PACRG: variants seen among roughly 807,000 people sequenced by gnomAD.
The protein encoded by PACRG is parkin coregulated, also known as parkin coregulated gene protein.
A neutral mutation model predicts 29.7 loss-of-function variants in PACRG; 29 were observed. That is an observed-to-expected ratio of 0.98 (90% confidence interval 0.73 to 1.33). The LOEUF (loss-of-function observed/expected upper bound fraction) is 1.33, where lower values mean the gene tolerates loss of function less well. Among genes scored for constraint, PACRG ranks in the 40% most tolerant of loss-of-function variants. PACRG has a pLI of 0.00. For synonymous variants in PACRG, 116 were observed against 118.7 expected, an observed-to-expected ratio of 0.98 and a Z score of 0.15; for missense variants, 279 against 316.2, an observed-to-expected ratio of 0.88 and a Z score of 0.89.
At chr6:163,033,412 TA>T (rs1807851306) in intron 2 of PACRG, among the ~76,000 whole-genome samples, 1 of 152,238 alleles carries the variant, frequency 6.6e-6, no homozygotes, top group African/African-American at 2.4e-5. Flanking sequence ...TGTATAACCT[TA>T]AAGCATTTAG....
chr6:163,313,266 A>G (rs1477387792), intron 4 of PACRG, among the ~76,000 whole-genome samples: 1 of 152,130 alleles, frequency 6.6e-6, no homozygotes, highest in African/African-American at 2.4e-5. Context: ...AAGGTCATTT[A>G]TTATGAATAA....
At chr6:162,931,864 T>G (rs1797876127) in intron 2 of PACRG, among the ~76,000 whole-genome samples, 1 of 151,924 alleles carries the variant, frequency 6.6e-6, no homozygotes, top group Non-Finnish European at 1.5e-5. Flanking sequence ...TCTCAAAAAG[T>G]CAAAGATACA....
chr6:162,958,980 T>G (rs1243294014), intron 2 of PACRG, among the ~76,000 whole-genome samples: 1 of 147,740 alleles, frequency 6.8e-6, no homozygotes, highest in Admixed American at 6.8e-5. Context: ...TGTAGTGGTG[T>G]GATCATGGCT....
intron 4 of PACRG, chr6:163,313,778 T>C (rs2128194936): frequency 6.6e-6 from 1 of 152,390 alleles, no homozygotes; most frequent in East Asian, 1.9e-4. Context: ...CCTTCCACCA[T>C]AGATAAGGCA....
At chr6:163,064,398 A>T (rs1811355890) in intron 3 of PACRG, among the ~76,000 whole-genome samples, 1 of 152,222 alleles carries the variant, frequency 6.6e-6, no homozygotes, top group African/African-American at 2.4e-5. Context: ...AACTCAGTAA[A>T]CATGATTTGT....
chr6:162,950,009 GT>G (rs1201993133), intron 2 of PACRG, among the ~76,000 whole-genome samples: 1 of 152,046 alleles, frequency 6.6e-6, no homozygotes, highest in Non-Finnish European at 1.5e-5. Flanking sequence ...CCTGAAAGAA[GT>G]TTTGATTTTG....
At chr6:163,012,483 A>G (rs1365691938) in intron 2 of PACRG, among the ~76,000 whole-genome samples, 1 of 152,210 alleles carries the variant, frequency 6.6e-6, no homozygotes, top group Non-Finnish European at 1.5e-5. Flanking sequence ...CCACTAATAT[A>G]TCCATAAGTG....
chr6:163,063,402 A>G (rs960461387), intron 3 of PACRG, among the ~76,000 whole-genome samples: 1 of 152,076 alleles, frequency 6.6e-6, no homozygotes, highest in African/African-American at 2.4e-5. Context: ...ACGCTTAGCT[A>G]GTCTTCTAGG....
At chr6:163,203,917 C>T (rs1044695176) in intron 4 of PACRG, among the ~76,000 whole-genome samples, 7 of 152,166 alleles carry the variant, frequency 4.6e-5, no homozygotes, top group Non-Finnish European at 1.5e-5. Context: ...TAGTTGTTGG[C>T]GGCATTTCAT....
At chr6:163,265,426 G>A (rs897916967) in intron 4 of PACRG, among the ~76,000 whole-genome samples, 3 of 152,130 alleles carry the variant, frequency 2.0e-5, no homozygotes, top group Admixed American at 2.0e-4. Context: ...TCGGGCCCGT[G>A]GGTATTTGTT....
intron 4 of PACRG, among the ~76,000 whole-genome samples, chr6:163,263,976 T>A (rs1033054364): frequency 6.6e-6 from 1 of 152,212 alleles, no homozygotes; most frequent in African/African-American, 2.4e-5. Context: ...AGTGTTTTTC[T>A]TGTTGAATGC....
At chr6:162,849,114 G>A (rs536284552) in intron 2 of PACRG, among the ~76,000 whole-genome samples, 3 of 152,286 alleles carry the variant, frequency 2.0e-5, no homozygotes, top group African/African-American at 4.8e-5. Context: ...ACCGTAACAC[G>A]AAAAGACCAA....
intron 3 of PACRG, among the ~76,000 whole-genome samples, chr6:163,085,443 G>A (rs572568070): frequency 3.9e-5 from 6 of 152,240 alleles, no homozygotes; most frequent in Non-Finnish European, 4.4e-5. Context: ...TCTTGAGCTT[G>A]GGAAAAATCA....
At chr6:163,149,753 C>A (rs566986786) in intron 4 of PACRG, among the ~76,000 whole-genome samples, 2 of 152,306 alleles carry the variant, frequency 1.3e-5, no homozygotes, top group South Asian at 4.1e-4. Flanking sequence ...CCGGGCCAGC[C>A]TGGAGTCCCT....
At chr6:162,765,467 C>T (rs553258648) in intron 1 of PACRG, among the ~76,000 whole-genome samples, 1 of 152,158 alleles carries the variant, frequency 6.6e-6, no homozygotes, top group South Asian at 2.1e-4. Flanking sequence ...ACAGTGAGAC[C>T]ACGTCTACAT....
chr6:163,297,561 C>T (rs1455803886), intron 4 of PACRG, among the ~76,000 whole-genome samples: 1 of 152,082 alleles, frequency 6.6e-6, no homozygotes, highest in Admixed American at 6.6e-5. Context: ...GCATCCCAGC[C>T]CACTCTCATC....
chr6:163,215,104 A>G (rs1292195465), intron 4 of PACRG, among the ~76,000 whole-genome samples: 6 of 151,800 alleles, frequency 4.0e-5, no homozygotes, highest in Admixed American at 3.9e-4. Flanking sequence ...AATAAATGCC[A>G]CTCAGTCACG....
At chr6:163,190,843 A>G in intron 4 of PACRG, 1 of 393,626 alleles carries the variant, frequency 2.5e-6, no homozygotes, top group Non-Finnish European at 5.1e-6. Flanking sequence ...TCTTTCACTG[A>G]TTACTTCCCT....
At chr6:163,083,597 G>C (rs1813275365) in intron 3 of PACRG, among the ~76,000 whole-genome samples, 1 of 151,934 alleles carries the variant, frequency 6.6e-6, no homozygotes, top group African/African-American at 2.4e-5. Context: ...AGATTTTCTG[G>C]GTTTCACAAG....
Sources: gnomAD v4.1 joint callset for allele counts (sites outside exome capture counted in the v4.1 genomes callset) on GRCh38, gnomAD v4.1.1 for gene constraint, MANE v1.5 for transcripts, NCBI Gene and HGNC (gene_info 2026-07-23, HGNC 2026-07-21) for gene names.